LAMB4: variants seen among roughly 807,000 people sequenced by gnomAD.
LAMB4 encodes laminin subunit beta 4, also known as laminin subunit beta-4.
LAMB4 carries 196 observed loss-of-function variants against 199.2 expected under a neutral mutation model. The observed-to-expected ratio is 0.98, with a 90% CI of 0.88 to 1.11. The LOEUF is 1.11. Among genes scored for constraint, LAMB4 ranks in the 50% least tolerant of loss-of-function variants. The pLI, the probability that LAMB4 is intolerant of heterozygous loss-of-function variation, is 0.00. For missense variants in LAMB4, 2,080 were observed against 2,171.2 expected, an observed-to-expected ratio of 0.96 and a Z score of 0.83; for synonymous variants, 744 against 770.6, an observed-to-expected ratio of 0.97 and a Z score of 0.57.
intron 12 of LAMB4, among the ~76,000 whole-genome samples, chr7:108,094,841 A>G (rs913353347): frequency 9.9e-5 from 15 of 152,184 alleles, no homozygotes; most frequent in African/African-American, 3.6e-4. Context: ...CATTTTTAGG[A>G]AGGGAGTGGT....
At chr7:108,113,260 T>C (rs1200644469) in intron 3 of LAMB4, among the ~76,000 whole-genome samples, 1 of 152,218 alleles carries the variant, frequency 6.6e-6, no homozygotes, top group Non-Finnish European at 1.5e-5. Context: ...ATTGTCTGTC[T>C]CTATAATAAG....
intron 14 of LAMB4, among the ~76,000 whole-genome samples, chr7:108,085,645 G>A (rs956197627): frequency 4.6e-5 from 7 of 150,930 alleles, no homozygotes; most frequent in Admixed American, 1.3e-4. Context: ...ATGGAGTCTC[G>A]CTCTGTCACC....
Position 108,055,986 on chromosome 7 carries a change from C to A in LAMB4, c.3401G>T (p.Gly1134Val), listed in dbSNP as rs200988293. 7 of 1,613,050 alleles carry A rather than the reference C, an allele frequency of 4.3e-6. No homozygotes were observed. The East Asian group carries it at 1.1e-4, about 26-fold the overall frequency. ...TGGATCACAGATGGGCTTCTGGGTA[C>A]CTGCCCTGTTACAATCACATGCTAA... ...RCIPCDCNRA[G>V]TQKPICDPDT... is the part of the protein sequence containing the mutation. The change falls in exon 25 of 34, where the codon GGT becomes GTT. Residue 1134 changes from glycine to valine, a missense_variant. Physicochemically the swap from Gly to Val is moderately radical, Grantham distance 109. Coordinates refer to ENST00000388781, the MANE Select transcript of LAMB4 (RefSeq NM_007356.3).
chr7:108,114,265 C>T (rs1163697884), intron 3 of LAMB4, among the ~76,000 whole-genome samples: 1 of 151,940 alleles, frequency 6.6e-6, no homozygotes, highest in Non-Finnish European at 1.5e-5. Context: ...TATAAAAATA[C>T]CAAAAATTAA....
At chr7:108,048,892 T>C (rs1460463264) in intron 27 of LAMB4, among the ~76,000 whole-genome samples, 2 of 152,156 alleles carry the variant, frequency 1.3e-5, no homozygotes, top group African/African-American at 2.4e-5. Context: ...GGTTTCACCA[T>C]GTTGGCCAGG....
chr7:108,057,051 G>A (rs1320606167), intron 24 of LAMB4, among the ~76,000 whole-genome samples: 1 of 151,504 alleles, frequency 6.6e-6, no homozygotes, highest in Non-Finnish European at 1.5e-5. Context: ...TAACACACTA[G>A]GGCTCTTCAG....
intron 23 of LAMB4, 53 bp downstream of exon 23, chr7:108,062,721 G>T: frequency 9.7e-7 from 1 of 1,031,590 alleles, no homozygotes; most frequent in Non-Finnish European, 1.3e-6. Flanking sequence ...TAGAAACCAT[G>T]TCTCACTATC....
intron 1 of LAMB4, among the ~76,000 whole-genome samples, chr7:108,125,752 G>A (rs576325789): frequency 4.9e-4 from 75 of 152,362 alleles, no homozygotes; most frequent in African/African-American, 1.7e-3. Context: ...AGGTGGAACT[G>A]TAATGCTGAA....
the LAMB4 span, among the ~76,000 whole-genome samples, chr7:108,013,269 C>T: frequency 5.1e-4 from 78 of 152,258 alleles, no homozygotes; most frequent in African/African-American, 1.8e-3. Flanking sequence ...TTAGGAATGA[C>T]GGAATAAATG....
chr7:108,032,127 C>T (rs995030964), intron 31 of LAMB4, among the ~76,000 whole-genome samples: 1 of 152,126 alleles, frequency 6.6e-6, no homozygotes, highest in Non-Finnish European at 1.5e-5. Flanking sequence ...CGGTGGTTTA[C>T]GCCTGTAATC....
At chr7:108,066,336 A>T in intron 20 of LAMB4, 33 bp downstream of exon 20, 1 of 1,495,880 alleles carries the variant, frequency 6.7e-7, no homozygotes, top group Non-Finnish European at 9.3e-7. Context: ...AGTGTTAAAG[A>T]CCTAAAAATT....
chr7:108,014,230 A>G, the LAMB4 span, among the ~76,000 whole-genome samples: 3 of 152,338 alleles, frequency 2.0e-5, no homozygotes, highest in Admixed American at 1.3e-4. Flanking sequence ...CCAAGAAAAG[A>G]GTGTCTTCTG....
chr7:108,024,220 T>G, intron 33 of LAMB4, 42 bp from the exon 34 acceptor site: 1 of 1,251,670 alleles, frequency 8.0e-7, no homozygotes, highest in Non-Finnish European at 1.1e-6. Flanking sequence ...TTCCATTTAA[T>G]GGATTCCTGC....
At chr7:108,046,414 A>C (rs1490767397) in intron 28 of LAMB4, among the ~76,000 whole-genome samples, 1 of 151,866 alleles carries the variant, frequency 6.6e-6, no homozygotes, top group East Asian at 1.9e-4. Flanking sequence ...TTTTGCTTGC[A>C]AACAAGAATG....
At chr7:108,051,297 T>A (rs565829865) in intron 26 of LAMB4, among the ~76,000 whole-genome samples, 33 of 149,722 alleles carry the variant, frequency 2.2e-4, no homozygotes, top group African/African-American at 7.6e-4. Context: ...CTGCCTTCTA[T>A]TTTTTTTTTC....
downstream of LAMB4, among the ~76,000 whole-genome samples, chr7:108,020,255 C>T (rs1237244261): frequency 6.6e-6 from 1 of 152,002 alleles, no homozygotes; most frequent in Non-Finnish European, 1.5e-5. Context: ...GGGCAGATCA[C>T]AAGGTCAGGA....
At chr7:108,100,116 C>T (rs1032918747) in intron 10 of LAMB4, among the ~76,000 whole-genome samples, 1 of 152,098 alleles carries the variant, frequency 6.6e-6, no homozygotes, top group African/African-American at 2.4e-5. Context: ...CAGAAGTATC[C>T]TTTGGGAAAG....
chr7:108,056,028 A>C (rs762715596), intron 24 of LAMB4, 21 bp from the exon 25 acceptor site: 2 of 1,583,812 alleles, frequency 1.3e-6, no homozygotes, highest in Non-Finnish European at 1.7e-6. Context: ...AAACAGAAGG[A>C]GCAGAGAATG....
At chr7:108,022,693 T>G (rs999261709), downstream of LAMB4, among the ~76,000 whole-genome samples, 7 of 152,220 alleles carry the variant, frequency 4.6e-5, no homozygotes, top group African/African-American at 1.7e-4. Context: ...TTTCTTTCTA[T>G]TCTTCAGGAT....
Sources: allele counts gnomAD v4.1 joint callset (sites outside exome capture counted in the v4.1 genomes callset), GRCh38; gene constraint gnomAD v4.1.1; transcripts MANE v1.5; gene names NCBI Gene and HGNC (gene_info 2026-07-23, HGNC 2026-07-21).